The following MYBL1 variants were observed in gnomAD, a reference collection of about 807,000 sequenced individuals.
MYBL1 encodes MYB proto-oncogene like 1.
Under a neutral mutation model 96.3 loss-of-function variants are expected in MYBL1, and 17 were observed. That is an observed-to-expected ratio of 0.18 (90% CI 0.12 to 0.26). The LOEUF is 0.26. Among genes scored for constraint, MYBL1 ranks in the 10% least tolerant of loss-of-function variants. The probability of loss-of-function intolerance (pLI) is 1.00; values close to 1 mark genes in which losing one functional copy is unlikely to be tolerated. For missense variants in MYBL1, 701 were observed against 882.9 expected (o/e 0.79, Z 2.61); for synonymous variants, 282 against 292.7 (o/e 0.96, Z 0.37).
intron 8 of MYBL1, among the ~76,000 whole-genome samples, chr8:66,586,042 G>GTTTT (rs578179482): frequency 2.3e-4 from 24 of 105,800 alleles, no homozygotes; most frequent in African/African-American, 5.0e-4. Context: ...GTTTTTTGGT[G>GTTTT]TTTTTTTTTT....
chr8:66,608,864 A>T (rs1318727908), intron 1 of MYBL1, among the ~76,000 whole-genome samples: 1 of 152,144 alleles, frequency 6.6e-6, no homozygotes, highest in African/African-American at 2.4e-5. Flanking sequence ...CTAGTCACAA[A>T]GCAATAATAG....
At chr8:66,582,287 C>T (rs1402000257) in intron 8 of MYBL1, among the ~76,000 whole-genome samples, 1 of 151,932 alleles carries the variant, frequency 6.6e-6, no homozygotes, top group East Asian at 1.9e-4. Flanking sequence ...ATGCTGCCTA[C>T]AAAAACTCAT....
chr8:66,596,541 T>C (rs1809856475), intron 5 of MYBL1, among the ~76,000 whole-genome samples: 1 of 152,110 alleles, frequency 6.6e-6, no homozygotes. Flanking sequence ...ATAACTTGAA[T>C]AAAAAATTTA....
intron 8 of MYBL1, among the ~76,000 whole-genome samples, chr8:66,583,447 A>G (rs770466783): frequency 2.0e-5 from 3 of 152,158 alleles, no homozygotes; most frequent in Admixed American, 6.5e-5. Flanking sequence ...ACCCAAAGCT[A>G]GCAGAGGAAA....
At chr8:66,591,220 C>A (rs915841530) in intron 8 of MYBL1, among the ~76,000 whole-genome samples, 2 of 151,844 alleles carry the variant, frequency 1.3e-5, no homozygotes, top group African/African-American at 4.8e-5. Context: ...TGGTGGCAGG[C>A]GCCTGCAGTC....
chr8:66,579,116 A>G (rs1286734567), intron 9 of MYBL1, among the ~76,000 whole-genome samples: 1 of 151,998 alleles, frequency 6.6e-6, no homozygotes, highest in Non-Finnish European at 1.5e-5. Flanking sequence ...GCATTAGGAG[A>G]TATACCTAAT....
Position 66,566,128 on chromosome 8 carries a change from G to C in MYBL1, c.2066C>G (p.Thr689Arg). The C allele has an allele frequency of 6.5e-7, 1 of 1,545,508 alleles. No individual in the cohort carries two copies. The highest frequency in any genetic ancestry group is 8.8e-7 in the Non-Finnish European group (1 of 1,141,054). ...AGGGTTTGGTTTCTTTTTAGTAAGT[G>C]TATATGTTTTGTTGGTTGAATTTAT... is the stretch of plus-strand genomic sequence containing the variant. Reference protein sequence around the residue: ...QDINSTNKTYTLTKKKPNPNT... With the variant: ...QDINSTNKTYRLTKKKPNPNT... Residue 689 changes from threonine (T) to arginine (R), a missense_variant, in exon 15 of 16, where the codon ACA becomes AGA. Thr to Arg is a moderately conservative substitution (Grantham distance 71). This residue lies in a region of MYBL1 where 137 missense variants were observed against 137.5 expected (regional missense o/e 1.00). Coordinates refer to ENST00000522677, the MANE Select transcript of MYBL1 (RefSeq NM_001080416.4).
rs367936713 is a variant in MYBL1 at position 66,602,409 on chromosome 8, G to C, written c.126+9C>G. 6.4e-7 allele frequency: 1 copy of C among 1,557,348 alleles called. No individual in the cohort carries two copies. Among genetic ancestry groups the C allele is most frequent in the South Asian group, 1.2e-5 (1 of 86,218 alleles). ...TGTAAGAAACTATGAAACCTTGTCA[G>C]ATAATTACCTCGTCCCTTGTCCATT... On this transcript the variant is annotated intron_variant, in intron 2 of 15. Coordinates refer to ENST00000522677, the MANE Select transcript of MYBL1 (RefSeq NM_001080416.4).
At chr8:66,567,455 G>A (rs1356194179) in intron 12 of MYBL1, among the ~76,000 whole-genome samples, 2 of 151,982 alleles carry the variant, frequency 1.3e-5, no homozygotes, top group Non-Finnish European at 2.9e-5. Flanking sequence ...GCAATGGTCA[G>A]GTCATTTTCA....
intron 12 of MYBL1, among the ~76,000 whole-genome samples, chr8:66,567,442 A>G (rs768204142): frequency 3.3e-5 from 5 of 152,032 alleles, no homozygotes; most frequent in Non-Finnish European, 5.9e-5. Context: ...GAGATACTTG[A>G]GAGCAATGGT....
At chr8:66,594,411 A>AT (rs1809772257) in intron 6 of MYBL1, among the ~76,000 whole-genome samples, 1 of 152,134 alleles carries the variant, frequency 6.6e-6, no homozygotes, top group Non-Finnish European at 1.5e-5. Flanking sequence ...TAATAAAATT[A>AT]TTTTATTAGT....
At chr8:66,591,964 A>G (rs1809663674) in intron 8 of MYBL1, among the ~76,000 whole-genome samples, 1 of 152,108 alleles carries the variant, frequency 6.6e-6, no homozygotes, top group Non-Finnish European at 1.5e-5. Context: ...AGAAATGCAT[A>G]TCAAAATCAG....
At chr8:66,571,564 C>T (rs1586554224) in intron 12 of MYBL1, among the ~76,000 whole-genome samples, 1 of 152,118 alleles carries the variant, frequency 6.6e-6, no homozygotes, top group East Asian at 1.9e-4. Context: ...ACTGAAACTA[C>T]TAAAATGTAT....
intron 8 of MYBL1, among the ~76,000 whole-genome samples, chr8:66,582,168 A>G (rs970030506): frequency 2.0e-5 from 3 of 152,150 alleles, no homozygotes; most frequent in African/African-American, 7.2e-5. Flanking sequence ...ACAAAATGAA[A>G]AGAGTAAGTC....
At chr8:66,586,471 A>G (rs1586576195) in intron 8 of MYBL1, among the ~76,000 whole-genome samples, 1 of 152,272 alleles carries the variant, frequency 6.6e-6, no homozygotes, top group South Asian at 2.1e-4. Flanking sequence ...GCAAATCAAA[A>G]CCACGATGAG....
At chr8:66,567,071 T>G in intron 12 of MYBL1, 79 bp from the exon 13 acceptor site, 1 of 848,688 alleles carries the variant, frequency 1.2e-6, no homozygotes, top group South Asian at 1.6e-5. Context: ...AACCCATCTT[T>G]TATACTTGTC....
At chr8:66,597,115 A>G (rs1187131071) in intron 5 of MYBL1, among the ~76,000 whole-genome samples, 1 of 152,152 alleles carries the variant, frequency 6.6e-6, no homozygotes, top group African/African-American at 2.4e-5. Flanking sequence ...TTATTGTACA[A>G]ATTATTGCCA....
chr8:66,607,912 CCT>C (rs1417925647), intron 1 of MYBL1, among the ~76,000 whole-genome samples: 1 of 152,148 alleles, frequency 6.6e-6, no homozygotes, highest in Non-Finnish European at 1.5e-5. Context: ...TCTTTTCCTC[CCT>C]CTCTTCAGAT....
intron 9 of MYBL1, among the ~76,000 whole-genome samples, chr8:66,579,360 T>C (rs1047679487): frequency 4.6e-5 from 7 of 151,970 alleles, no homozygotes; most frequent in Admixed American, 3.3e-4. Flanking sequence ...ACAAAGCCCC[T>C]AAAATTCAAA....
Sources: gnomAD v4.1 joint callset for allele counts (sites outside exome capture counted in the v4.1 genomes callset) on GRCh38, gnomAD v4.1.1 for gene constraint, gnomAD v4.1.1 regional missense constraint, MANE v1.5 for transcripts, NCBI Gene and HGNC (gene_info 2026-07-23, HGNC 2026-07-21) for gene names.